The following CNTN3 variants were observed in gnomAD, a reference collection of about 807,000 sequenced individuals.
CNTN3 encodes contactin 3, also known as contactin-3.
Under a neutral mutation model 119.1 loss-of-function variants are expected in CNTN3, and 60 were observed. That is an observed-to-expected ratio of 0.50 (90% CI 0.41 to 0.62). The LOEUF (loss-of-function observed/expected upper bound fraction) is 0.62. Among genes scored for constraint, CNTN3 ranks in the 20% least tolerant of loss-of-function variants. The pLI is 0.00. For missense variants in CNTN3, 1,101 were observed against 1,242.4 expected, an observed-to-expected ratio of 0.89 and a Z score of 1.71; for synonymous variants, 450 against 438.7, an observed-to-expected ratio of 1.03 and a Z score of -0.32.
At chr3:74,572,800 G>A (rs1704355499) in intron 1 of CNTN3, among the ~76,000 whole-genome samples, 1 of 152,228 alleles carries the variant, frequency 6.6e-6, no homozygotes, top group African/African-American at 2.4e-5. Flanking sequence ...AGAATCTAAT[G>A]ATGGGTGAGA....
chr3:74,562,910 C>T (rs1704174197), intron 1 of CNTN3, among the ~76,000 whole-genome samples: 1 of 152,100 alleles, frequency 6.6e-6, no homozygotes, highest in African/African-American at 2.4e-5. Context: ...CCACAGTGAG[C>T]TAGTATTAGA....
chr3:74,268,980 T>C (rs1437542709), intron 20 of CNTN3, among the ~76,000 whole-genome samples: 2 of 150,768 alleles, frequency 1.3e-5, no homozygotes, highest in African/African-American at 4.9e-5. Context: ...GTTTATCTTG[T>C]ATGAGTCACA....
At position 74,299,412 on chromosome 3, in the gene CNTN3, G is replaced by C. The variant is rs146495601; in HGVS notation, c.2166+456C>G. 3.2e-3 allele frequency among the ~76,000 whole-genome samples: 491 copies of C among 152,188 alleles called. 3 individuals are homozygous for C. Among genetic ancestry groups the C allele is most frequent in the African/African-American group, 0.011 (468 of 41,532 alleles). ...AGGAAAGAAACAAACTCAAGCACCT[G>C]TTGGAATAGGTGACTTCACCAGTGG... On this transcript the variant is annotated intron_variant, in intron 17 of 22. Coordinates refer to ENST00000263665, the MANE Select transcript of CNTN3 (RefSeq NM_020872.3).
At chr3:74,359,291 T>A (rs1352341470) in intron 11 of CNTN3, among the ~76,000 whole-genome samples, 1 of 152,158 alleles carries the variant, frequency 6.6e-6, no homozygotes, top group Non-Finnish European at 1.5e-5. Context: ...TAACATGATC[T>A]CATTCTTATA....
At chr3:74,390,333 A>T (rs1176892709) in intron 5 of CNTN3, among the ~76,000 whole-genome samples, 1 of 148,660 alleles carries the variant, frequency 6.7e-6, no homozygotes, top group African/African-American at 2.5e-5. Context: ...CCCTAACAGC[A>T]TGCTGTTTTT....
At chr3:74,267,869 A>G (rs1701694804) in intron 20 of CNTN3, among the ~76,000 whole-genome samples, 1 of 152,142 alleles carries the variant, frequency 6.6e-6, no homozygotes, top group African/African-American at 2.4e-5. Flanking sequence ...AGAAATTGCC[A>G]AATGGACAGA....
intron 11 of CNTN3, among the ~76,000 whole-genome samples, chr3:74,340,459 A>C (rs1703506611): frequency 6.6e-6 from 1 of 152,104 alleles, no homozygotes; most frequent in African/African-American, 2.4e-5. Flanking sequence ...TGGAGGAAAG[A>C]GAGAGCATGA....
intron 3 of CNTN3, among the ~76,000 whole-genome samples, chr3:74,491,581 T>G (rs1298045969): frequency 1.3e-5 from 2 of 152,156 alleles, no homozygotes; most frequent in African/African-American, 2.4e-5. Flanking sequence ...ACAAAGTATG[T>G]GTCCAATAAA....
chr3:74,598,680 A>G (rs1054163768), intron 1 of CNTN3, among the ~76,000 whole-genome samples: 14 of 152,028 alleles, frequency 9.2e-5, no homozygotes, highest in African/African-American at 3.1e-4. Flanking sequence ...AAAAAAATCA[A>G]TGAAAAATAC....
intron 13 of CNTN3, among the ~76,000 whole-genome samples, chr3:74,332,046 A>C (rs1256054349): frequency 6.6e-6 from 1 of 152,162 alleles, no homozygotes; most frequent in African/African-American, 2.4e-5. Flanking sequence ...TATAACCTGA[A>C]CTACCCCTAA....
intron 20 of CNTN3, among the ~76,000 whole-genome samples, chr3:74,282,698 G>A (rs1441830137): frequency 6.8e-6 from 1 of 148,016 alleles, no homozygotes; most frequent in African/African-American, 2.5e-5. Flanking sequence ...TTTTAAATAG[G>A]ATTTGCAGTT....
intron 1 of CNTN3, among the ~76,000 whole-genome samples, chr3:74,566,246 C>A (rs966746412): frequency 6.6e-6 from 1 of 152,008 alleles, no homozygotes; most frequent in African/African-American, 2.4e-5. Flanking sequence ...GGAAACCAAC[C>A]TAAGATGGTG....
chr3:74,604,266 G>T (rs1215458053), intron 1 of CNTN3, among the ~76,000 whole-genome samples: 1 of 151,954 alleles, frequency 6.6e-6, no homozygotes, highest in Non-Finnish European at 1.5e-5. Flanking sequence ...TGATTTTTTG[G>T]ATATAACCCC....
At chr3:74,343,485 A>C (rs1703600062) in intron 11 of CNTN3, among the ~76,000 whole-genome samples, 1 of 152,242 alleles carries the variant, frequency 6.6e-6, no homozygotes, top group Admixed American at 6.5e-5. Context: ...AAGTCATTCC[A>C]CACTAATGTC....
chr3:74,362,787 C>G (rs1476311949), intron 10 of CNTN3, among the ~76,000 whole-genome samples: 1 of 152,066 alleles, frequency 6.6e-6, no homozygotes, highest in Non-Finnish European at 1.5e-5. Context: ...TCCCAAATAG[C>G]TAATGCTGTG....
intron 13 of CNTN3, among the ~76,000 whole-genome samples, chr3:74,322,905 C>T (rs1373158687): frequency 6.6e-6 from 1 of 152,120 alleles, no homozygotes; most frequent in Non-Finnish European, 1.5e-5. Flanking sequence ...AGGCTATATA[C>T]TATATGAGTC....
At chr3:74,522,504 A>C (rs1703557827) in intron 1 of CNTN3, among the ~76,000 whole-genome samples, 1 of 151,922 alleles carries the variant, frequency 6.6e-6, no homozygotes. Flanking sequence ...TTCAAGTGCA[A>C]GTAATTTACT....
chr3:74,276,260 G>T (rs1038738557), intron 20 of CNTN3, among the ~76,000 whole-genome samples: 2 of 152,068 alleles, frequency 1.3e-5, no homozygotes, highest in African/African-American at 4.8e-5. Context: ...AGAAACAATG[G>T]TTTTAAACTA....
At chr3:74,498,559 T>C (rs1703105249) in intron 3 of CNTN3, among the ~76,000 whole-genome samples, 1 of 151,812 alleles carries the variant, frequency 6.6e-6, no homozygotes, top group Admixed American at 6.6e-5. Context: ...TGAAAGAGAC[T>C]GATCTTGATT....
Sources: gnomAD v4.1 joint callset for allele counts (sites outside exome capture counted in the v4.1 genomes callset) on GRCh38, gnomAD v4.1.1 for gene constraint, MANE v1.5 for transcripts, NCBI Gene and HGNC (gene_info 2026-07-23, HGNC 2026-07-21) for gene names.